PAK3: variants seen among roughly 807,000 people sequenced by gnomAD.
The protein encoded by PAK3 is serine/threonine-protein kinase PAK 3.
PAK3 carries 4 observed loss-of-function variants against 41.0 expected under a neutral mutation model. The ratio of observed to expected loss-of-function variants is 0.10; its 90% CI spans 0.05 to 0.22. PAK3 has a LOEUF of 0.22. Among genes scored for constraint, PAK3 ranks in the 10% least tolerant of loss-of-function variants. PAK3 has a pLI of 1.00. For synonymous variants in PAK3, 146 were observed against 139.6 expected, an observed-to-expected ratio of 1.05 and a Z score of -0.32; for missense variants, 205 against 409.9, an observed-to-expected ratio of 0.50 and a Z score of 4.32.
chrX:111,106,508 G>A (rs2093268901), intron 4 of PAK3, among the ~76,000 whole-genome samples: 1 of 110,825 alleles, frequency 9.0e-6, no homozygotes, highest in Admixed American at 9.6e-5. Flanking sequence ...ACTCTCACAT[G>A]AACACGTTGA....
chrX:111,030,485 G>A (rs2092327319), intron 1 of PAK3, among the ~76,000 whole-genome samples: 1 of 112,175 alleles, frequency 8.9e-6, no homozygotes, highest in Non-Finnish European at 1.9e-5. Flanking sequence ...TACATTAATT[G>A]TGGAGTTTAT....
At chrX:110,977,241 GAT>G (rs1018905170) in intron 1 of PAK3, among the ~76,000 whole-genome samples, 11 of 109,374 alleles carry the variant, frequency 1.0e-4, no homozygotes, top group East Asian at 8.5e-4. Context: ...ATATGTATAA[GAT>G]ATATATATAT....
chrX:111,143,243 T>C (rs1268312918), intron 6 of PAK3, among the ~76,000 whole-genome samples: 3 of 111,422 alleles, frequency 2.7e-5, no homozygotes, highest in African/African-American at 9.7e-5. Flanking sequence ...TAGTAGTGAA[T>C]AGACTGTGTT....
At chrX:111,045,273 T>G (rs888253842) in intron 1 of PAK3, among the ~76,000 whole-genome samples, 4 of 112,390 alleles carry the variant, frequency 3.6e-5, no homozygotes, top group Non-Finnish European at 7.5e-5. Flanking sequence ...TTGACACAAG[T>G]GAAAGGCAGA....
At chrX:110,971,874 AC>A (rs2091214507) in intron 1 of PAK3, among the ~76,000 whole-genome samples, 1 of 111,229 alleles carries the variant, frequency 9.0e-6, no homozygotes, top group South Asian at 3.9e-4. Context: ...TAGGAGTAAA[AC>A]TTCATTATTT....
chrX:111,088,866 T>C (rs182787570), intron 1 of PAK3, among the ~76,000 whole-genome samples: 1 of 112,044 alleles, frequency 8.9e-6, no homozygotes, highest in African/African-American at 3.2e-5. Flanking sequence ...CAGCTGGCTT[T>C]ATCTGTCCAT....
intron 1 of PAK3, among the ~76,000 whole-genome samples, chrX:111,005,249 G>T (rs1001935000): frequency 7.2e-5 from 8 of 111,185 alleles, no homozygotes; most frequent in African/African-American, 2.6e-4. Context: ...GGGTGCGGAG[G>T]GTGGCGGAAG....
chrX:111,068,559 C>T (rs916477915), intron 1 of PAK3, among the ~76,000 whole-genome samples: 5 of 112,910 alleles, frequency 4.4e-5, no homozygotes, highest in Non-Finnish European at 7.5e-5. Flanking sequence ...ACCTCGGCCT[C>T]CCAAAGTGCT....
intron 1 of PAK3, among the ~76,000 whole-genome samples, chrX:110,992,835 A>G (rs1717956037): frequency 9.0e-6 from 1 of 111,587 alleles, no homozygotes; most frequent in South Asian, 3.8e-4. Context: ...CTATCACCTG[A>G]GCAACCCAGA....
At chrX:111,088,494 T>C (rs926524523) in intron 1 of PAK3, among the ~76,000 whole-genome samples, 3 of 112,062 alleles carry the variant, frequency 2.7e-5, no homozygotes, top group Non-Finnish European at 5.6e-5. Context: ...TGAGAGTTTA[T>C]TAGACATCTG....
intron 8 of PAK3, among the ~76,000 whole-genome samples, chrX:111,157,839 C>G (rs1329871199): frequency 9.0e-6 from 1 of 110,634 alleles, no homozygotes; most frequent in Non-Finnish European, 1.9e-5. Context: ...GCCCCAATGT[C>G]TAGCAAAATT....
chrX:111,140,679 C>A (rs2093858160), intron 5 of PAK3, among the ~76,000 whole-genome samples: 1 of 111,328 alleles, frequency 9.0e-6, no homozygotes, highest in Non-Finnish European at 1.9e-5. Context: ...CCTAAATGTG[C>A]TCCATGGCCA....
At chrX:111,160,667 C>T (rs866851591) in intron 8 of PAK3, among the ~76,000 whole-genome samples, 15 of 110,185 alleles carry the variant, frequency 1.4e-4, no homozygotes, top group Middle Eastern at 4.7e-3. Flanking sequence ...CTTCCTGTGT[C>T]CATGTGTTCT....
At chrX:111,098,547 AC>A (rs1329951789) in intron 3 of PAK3, 1 of 111,069 alleles carries the variant, frequency 9.0e-6, no homozygotes, top group Non-Finnish European at 1.9e-5. Context: ...CAGCATCCCC[AC>A]CCACGTAACC....
chrX:111,118,549 T>A (rs982947236), intron 4 of PAK3, among the ~76,000 whole-genome samples: 1 of 110,507 alleles, frequency 9.0e-6, no homozygotes, highest in African/African-American at 3.3e-5. Flanking sequence ...TCCTCTCATT[T>A]GCTATGAAAA....
intron 11 of PAK3, among the ~76,000 whole-genome samples, chrX:111,186,142 C>G (rs1218415419): frequency 1.8e-5 from 2 of 111,339 alleles, no homozygotes; most frequent in Non-Finnish European, 3.8e-5. Flanking sequence ...GAGCATATCT[C>G]AAAATATTAA....
At chrX:110,987,654 A>G (rs895745673) in intron 1 of PAK3, among the ~76,000 whole-genome samples, 6 of 111,918 alleles carry the variant, frequency 5.4e-5, no homozygotes, top group African/African-American at 1.9e-4. Flanking sequence ...TATGCTTTGG[A>G]AACAGTAAAA....
chrX:111,005,530 G>C (rs4893477), intron 1 of PAK3, among the ~76,000 whole-genome samples: 1 of 111,088 alleles, frequency 9.0e-6, no homozygotes, highest in African/African-American at 3.3e-5. Context: ...TGCAGCCCCA[G>C]CTTGCTACAT....
chrX:111,126,330 G>A (rs1336006392), intron 5 of PAK3, among the ~76,000 whole-genome samples: 7 of 111,432 alleles, frequency 6.3e-5, no homozygotes, highest in Non-Finnish European at 9.4e-5. Flanking sequence ...GTTTACTTGA[G>A]ACCTCATTTT....
Sources: gnomAD v4.1 joint callset for allele counts (sites outside exome capture counted in the v4.1 genomes callset) on GRCh38, gnomAD v4.1.1 for gene constraint, MANE v1.5 for transcripts, NCBI Gene and HGNC (gene_info 2026-07-23, HGNC 2026-07-21) for gene names.